Variants in DRC11 observed in about 807,000 individuals in gnomAD.
The protein encoded by DRC11 is IQ and AAA domain-containing protein 1.
the DRC11 span, among the ~76,000 whole-genome samples, chr2:236,498,226 G>A: frequency 2.0e-5 from 3 of 151,810 alleles, no homozygotes; most frequent in East Asian, 3.9e-4. Context: ...CCAGCACTTT[G>A]GGAGGTCGAG....
At chr2:236,373,258 C>G in the DRC11 span, among the ~76,000 whole-genome samples, 1 of 139,050 alleles carries the variant, frequency 7.2e-6, no homozygotes, top group Non-Finnish European at 1.6e-5. Flanking sequence ...TGTATATTAA[C>G]TTTTTTTTTT....
chr2:236,375,189 C>T, the DRC11 span, among the ~76,000 whole-genome samples: 1 of 152,176 alleles, frequency 6.6e-6, no homozygotes, highest in African/African-American at 2.4e-5. The surrounding 1 kb of genome is among the most constrained non-coding windows in gnomAD (Gnocchi z 4.2). Flanking sequence ...ATCTAAACCA[C>T]ATCAAAGTCA....
At chr2:236,378,448 C>T in the DRC11 span, among the ~76,000 whole-genome samples, 1 of 151,952 alleles carries the variant, frequency 6.6e-6, no homozygotes, top group Non-Finnish European at 1.5e-5. Context: ...CTAGGGTGGG[C>T]GGATCATTTG....
chr2:236,421,871 G>C, the DRC11 span, among the ~76,000 whole-genome samples: 2 of 152,140 alleles, frequency 1.3e-5, no homozygotes, highest in Non-Finnish European at 2.9e-5. Context: ...GATCAAGTGG[G>C]CTTCATCCCT....
the DRC11 span, among the ~76,000 whole-genome samples, chr2:236,450,667 T>A: frequency 6.6e-6 from 1 of 152,206 alleles, no homozygotes; most frequent in Non-Finnish European, 1.5e-5. Context: ...GCAATCTAGT[T>A]ACTGCACCTC....
chr2:236,393,458 C>G, the DRC11 span, among the ~76,000 whole-genome samples: 3 of 152,090 alleles, frequency 2.0e-5, no homozygotes, highest in African/African-American at 7.2e-5. This position sits in a 1 kb window ranked among gnomAD's most constrained non-coding sequence, Gnocchi z 4.7. Context: ...GAGGGTGGTG[C>G]TCTAACTCTA....
At chr2:236,460,873 A>G in the DRC11 span, among the ~76,000 whole-genome samples, 3 of 151,808 alleles carry the variant, frequency 2.0e-5, no homozygotes, top group Non-Finnish European at 4.4e-5. This position sits in a 1 kb window ranked among gnomAD's most constrained non-coding sequence, Gnocchi z 4.0. Flanking sequence ...TCTCACTTCA[A>G]CCTCCCGAGT....
chr2:236,311,496 C>A, the DRC11 span, among the ~76,000 whole-genome samples: 1 of 152,192 alleles, frequency 6.6e-6, no homozygotes, highest in South Asian at 2.1e-4. This position sits in a 1 kb window ranked among gnomAD's most constrained non-coding sequence, Gnocchi z 6.9. Context: ...TTTCTCCAGA[C>A]GTGGCCAGAA....
At chr2:236,478,523 A>G in the DRC11 span, among the ~76,000 whole-genome samples, 1 of 152,134 alleles carries the variant, frequency 6.6e-6, no homozygotes, top group Non-Finnish European at 1.5e-5. The surrounding 1 kb of genome is among the most constrained non-coding windows in gnomAD (Gnocchi z 5.9). Context: ...GTTGGGTAAA[A>G]TATTCTGTAA....
chr2:236,423,930 T>C, the DRC11 span, among the ~76,000 whole-genome samples: 1 of 151,740 alleles, frequency 6.6e-6, no homozygotes, highest in Non-Finnish European at 1.5e-5. Context: ...AAACCATCAT[T>C]CTGCGCAAAC....
chr2:236,344,700 G>C, the DRC11 span: 1 of 1,291,016 alleles, frequency 7.7e-7, no homozygotes, highest in South Asian at 1.2e-5. Context: ...CAGGTGTGCA[G>C]AGCCCTGGTT....
At chr2:236,449,603 A>T in the DRC11 span, among the ~76,000 whole-genome samples, 3 of 152,138 alleles carry the variant, frequency 2.0e-5, no homozygotes, top group Non-Finnish European at 2.9e-5. This position sits in a 1 kb window ranked among gnomAD's most constrained non-coding sequence, Gnocchi z 5.1. Context: ...GCCTGGCTAG[A>T]TCTGTGGCAC....
chr2:236,490,674 G>C, the DRC11 span, among the ~76,000 whole-genome samples: 1 of 152,164 alleles, frequency 6.6e-6, no homozygotes, highest in Admixed American at 6.5e-5. This position sits in a 1 kb window ranked among gnomAD's most constrained non-coding sequence, Gnocchi z 5.5. Context: ...ATTTTGAGTA[G>C]GGAACTCAAC....
the DRC11 span, among the ~76,000 whole-genome samples, chr2:236,472,428 A>G: frequency 6.6e-6 from 1 of 152,200 alleles, no homozygotes; most frequent in Admixed American, 6.5e-5. The surrounding 1 kb of genome is among the most constrained non-coding windows in gnomAD (Gnocchi z 4.6). Flanking sequence ...TTTTCAGTTC[A>G]TAACTTCAGC....
chr2:236,374,493 G>C, the DRC11 span, among the ~76,000 whole-genome samples: 1 of 152,114 alleles, frequency 6.6e-6, no homozygotes, highest in Non-Finnish European at 1.5e-5. Flanking sequence ...AAATAAAAGA[G>C]GTTTAATTGG....
At chr2:236,416,032 C>T in the DRC11 span, among the ~76,000 whole-genome samples, 10 of 151,972 alleles carry the variant, frequency 6.6e-5, no homozygotes, top group Admixed American at 2.0e-4. Flanking sequence ...ATAGGCAGAA[C>T]AATAGGGCCC....
At chr2:236,357,182 T>C in the DRC11 span, among the ~76,000 whole-genome samples, 7 of 116,272 alleles carry the variant, frequency 6.0e-5, no homozygotes, top group African/African-American at 6.8e-5. Flanking sequence ...ATATTATATA[T>C]ATTCATATAT....
At chr2:236,362,391 A>C in the DRC11 span, among the ~76,000 whole-genome samples, 7 of 152,264 alleles carry the variant, frequency 4.6e-5, no homozygotes, top group South Asian at 1.5e-3. The surrounding 1 kb of genome is among the most constrained non-coding windows in gnomAD (Gnocchi z 5.7). Flanking sequence ...CAGCCTCCTC[A>C]ATGTGAAGAA....
At chr2:236,503,700 T>C in the DRC11 span, 1 of 1,550,750 alleles carries the variant, frequency 6.4e-7, no homozygotes, top group Non-Finnish European at 8.7e-7. This position sits in a 1 kb window ranked among gnomAD's most constrained non-coding sequence, Gnocchi z 4.9. Context: ...AGACTGTCTC[T>C]GGCTTCCTGC....
Sources: allele counts gnomAD v4.1 joint callset (sites outside exome capture counted in the v4.1 genomes callset), GRCh38; gene constraint gnomAD v4.1.1; non-coding constraint Gnocchi (gnomAD v3.1); transcripts MANE v1.5; gene names NCBI Gene and HGNC (gene_info 2026-07-23, HGNC 2026-07-21).